ZFC3H1: variants seen among roughly 807,000 people sequenced by gnomAD.
ZFC3H1 encodes the protein zinc finger C3H1 domain-containing protein.
Under a neutral mutation model 243.7 loss-of-function variants are expected in ZFC3H1, and 71 were observed. The ratio of observed to expected loss-of-function variants is 0.29; its 90% CI spans 0.24 to 0.36. The LOEUF (loss-of-function observed/expected upper bound fraction) is 0.36, where lower values mean the gene tolerates loss of function less well. Ranked by LOEUF, ZFC3H1 falls within the 10% of genes least tolerant of loss-of-function variation. The pLI, the probability that ZFC3H1 is intolerant of heterozygous loss-of-function variation, is 1.00. For synonymous variants in ZFC3H1, 838 were observed against 813.0 expected (o/e 1.03, Z -0.52); for missense variants, 1,966 against 2,317.1 (o/e 0.85, Z 3.11).
At chr12:71,625,491 A>T (rs1284333998) in intron 22 of ZFC3H1, among the ~76,000 whole-genome samples, 2 of 152,192 alleles carry the variant, frequency 1.3e-5, no homozygotes, top group African/African-American at 4.8e-5. Context: ...CAAGAGTTCA[A>T]GACCAACCTG....
chr12:71,662,850 T>G (rs1314571778), intron 1 of ZFC3H1, 163 bp downstream of exon 1: 1 of 749,930 alleles, frequency 1.3e-6, no homozygotes, highest in Non-Finnish European at 2.2e-6. Flanking sequence ...AACGCTATAG[T>G]GTGACACATG....
intron 1 of ZFC3H1, chr12:71,660,316 T>C (rs1328350150): frequency 6.6e-6 from 1 of 152,162 alleles, no homozygotes; most frequent in Non-Finnish European, 1.5e-5. Context: ...GGGAACTACG[T>C]TTTCCTTCTC....
intron 7 of ZFC3H1, among the ~76,000 whole-genome samples, chr12:71,638,181 G>C (rs1280207270): frequency 6.6e-6 from 1 of 151,962 alleles, no homozygotes. Context: ...AGTGAAGAAG[G>C]AAACATGATA....
chr12:71,614,990 G>A (rs1369234669), intron 28 of ZFC3H1, 52 bp from the exon 29 acceptor site: 2 of 1,444,984 alleles, frequency 1.4e-6, no homozygotes, highest in African/African-American at 2.8e-5. Flanking sequence ...TCCATCAGGT[G>A]AAGGAATGAC....
At chr12:71,628,820 C>T (rs937962231) in intron 20 of ZFC3H1, 98 bp downstream of exon 20, 17 of 1,371,600 alleles carry the variant, frequency 1.2e-5, no homozygotes, top group Non-Finnish European at 1.6e-5. Flanking sequence ...TTTTTTTTAA[C>T]CAGGCAGGCT....
In ZFC3H1 at chr12:71,663,294, G is replaced by C. The variant is rs774902980; in HGVS notation, c.317C>G (p.Pro106Arg). 2.5e-6 allele frequency: 4 copies of C among 1,613,360 alleles called. No homozygotes were observed. Among genetic ancestry groups the C allele is most frequent in the Non-Finnish European group, 3.4e-6 (4 of 1,180,036 alleles). ...GHLRGPSSYR[P>R]KEPFRSHPPS... ...CGGATGAGACCGGAACGGTTCTTTG[G>C]GTCGGTAGCTGCTGGGTCCCCTGAG... The change falls in exon 1 of 35, where the codon CCC (proline) becomes CGC (arginine). Residue 106 changes from proline (P) to arginine (R), a missense_variant. By Grantham distance (103) the Pro-to-Arg change is moderately radical (BLOSUM62 -2). Coordinates refer to ENST00000378743, the MANE Select transcript of ZFC3H1 (RefSeq NM_144982.5).
At chr12:71,631,637 T>G in intron 16 of ZFC3H1, 141 bp downstream of exon 16, 1 of 693,324 alleles carries the variant, frequency 1.4e-6, no homozygotes, top group South Asian at 2.6e-5. Context: ...CACTTAATTT[T>G]TATGTTCCTT....
Position 71,640,858 on chromosome 12 carries a change from C to A in ZFC3H1, c.1627+1578G>T, listed in dbSNP as rs989884473. Among the ~76,000 whole-genome samples, 67 of 151,312 alleles carry A rather than the reference C, an allele frequency of 4.4e-4. 1 individual carries two copies. The highest frequency in any genetic ancestry group is 1.4e-3 in the Admixed American group (22 of 15,180). On this transcript the variant is annotated intron_variant, in intron 6 of 34. Coordinates refer to ENST00000378743, the MANE Select transcript of ZFC3H1 (RefSeq NM_144982.5). ...ACTAGTTTTTTACCGTATTTGAATT[C>A]TCTTGGTTTTTTTTTTCCCCCGCCC...
Position 71,636,518 on chromosome 12 carries a change from C to A in ZFC3H1, c.2072G>T (p.Gly691Val). 1 of 1,605,486 alleles carries A rather than the reference C, an allele frequency of 6.2e-7. No homozygotes were observed. Among genetic ancestry groups the A allele is most frequent in the Non-Finnish European group, 8.5e-7 (1 of 1,176,534 alleles). Residue 691 changes from glycine to valine, a missense_variant, in exon 9 of 35, where the codon GGA becomes GTA. By Grantham distance (109) the Gly-to-Val change is moderately radical. Transcript: ENST00000378743. Reference protein sequence around the residue: ...PRIQNPKFHRGPRLPRTVISL... With the variant: ...PRIQNPKFHRVPRLPRTVISL... ...GATCACAGTTCGTGGAAGACGGGGT[C>A]CTCTGTGAAACTTTGGATTCTGTAT...
At chr12:71,649,091 C>CAA (rs35231608) in intron 2 of ZFC3H1, among the ~76,000 whole-genome samples, 62 of 89,784 alleles carry the variant, frequency 6.9e-4, no homozygotes, top group African/African-American at 2.0e-3. Context: ...ACTCTTGTCT[C>CAA]AAAAAAAAAA....
chr12:71,652,292 T>C (rs1880909546), intron 2 of ZFC3H1, among the ~76,000 whole-genome samples: 1 of 152,192 alleles, frequency 6.6e-6, no homozygotes, highest in Non-Finnish European at 1.5e-5. Context: ...AAAACACACA[T>C]CTGATCACAT....
Position 71,610,031 on chromosome 12 carries a change from G to A in ZFC3H1, c.*397C>T, listed in dbSNP as rs1879729401. The A allele has an allele frequency of 6.5e-6, 1 of 154,528 alleles. No homozygotes were observed. Among genetic ancestry groups the A allele is most frequent in the African/African-American group, 2.4e-5 (1 of 41,410 alleles). The allele number at this position is 154,528 out of a possible 1,614,324, so 9.6% of individuals were successfully genotyped here. A position where few individuals can be genotyped will look rare whatever the true frequency, so the allele number is the denominator to read the frequency against. ...CTTTTTTTACTGTAAACACAGCCCT[G>A]GATATTAAATCCCAAACAGGAATCT... On this transcript the variant is annotated 3_prime_UTR_variant, in exon 35 of 35. Coordinates refer to ENST00000378743, the MANE Select transcript of ZFC3H1 (RefSeq NM_144982.5).
intron 20 of ZFC3H1, among the ~76,000 whole-genome samples, chr12:71,628,238 C>T (rs919782199): frequency 5.3e-5 from 8 of 152,278 alleles, no homozygotes; most frequent in South Asian, 2.1e-4. Flanking sequence ...GATTCAACTG[C>T]TTTTTCATTA....
At position 71,634,303 on chromosome 12, in the gene ZFC3H1, G is replaced by A. The variant is rs776513121; in HGVS notation, c.2362C>T (p.Arg788Cys). 40 of 1,611,254 alleles carry A rather than the reference G, an allele frequency of 2.5e-5. 1 individual carries two copies. Among genetic ancestry groups the A allele is most frequent in the African/African-American group, 6.7e-5 (5 of 74,682 alleles). The change falls in exon 12 of 35, where the codon CGT becomes TGT. Residue 788 changes from arginine (R) to cysteine (C), a missense_variant and splice_region_variant. By Grantham distance (180) the Arg-to-Cys change is radical (BLOSUM62 -3). Around this residue, in one of 4 missense-constraint regions of ZFC3H1, gnomAD observed 1,383 missense variants for 1,723.7 expected, o/e 0.80. Transcript: ENST00000378743. ...YRLLKEEIANREKQRLIKSDQ... is the reference protein window; with the variant it reads ...YRLLKEEIANCEKQRLIKSDQ... ...GATTTAATCAAACGCTGTTTCTCAC[G>A]GCTAAAATTATCAAAAAGGATATAT... is the stretch of plus-strand genomic sequence containing the variant.
intron 28 of ZFC3H1, 64 bp downstream of exon 28, chr12:71,615,141 TA>T: frequency 7.6e-7 from 1 of 1,321,318 alleles, no homozygotes; most frequent in Non-Finnish European, 1.1e-6. Flanking sequence ...AAACACAGTG[TA>T]ATTCAGTAAT....
At position 71,636,549 on chromosome 12, in the gene ZFC3H1, G is replaced by C. The variant is rs1410373825; in HGVS notation, c.2041C>G (p.Pro681Ala). The change falls in exon 9 of 35, where the codon CCT becomes GCT. Residue 681 changes from proline (P) to alanine (A), a missense_variant. Pro to Ala is a conservative substitution (Grantham distance 27). Transcript: ENST00000378743. ...TGAAACTTTGGATTCTGTATCCTAG[G>C]CTGAGACACTGTGTTAATACTGACT... ...SIVSINTVSQ[P>A]RIQNPKFHRG... 1 of 1,613,404 alleles carries C rather than the reference G, an allele frequency of 6.2e-7. No individual in the cohort carries two copies. Among genetic ancestry groups the C allele is most frequent in the East Asian group, 2.2e-5 (1 of 44,822 alleles).
intron 14 of ZFC3H1, 107 bp downstream of exon 14, chr12:71,632,779 T>G (rs1247487853): frequency 3.4e-6 from 5 of 1,469,976 alleles, no homozygotes; most frequent in Non-Finnish European, 4.6e-6. Flanking sequence ...AATCTTAATC[T>G]CTTGGAATTT....
Position 71,619,368 on chromosome 12 carries a change from A to G in ZFC3H1, c.5091T>C (p.Ile1697=). The G allele has an allele frequency of 6.2e-7, 1 of 1,613,836 alleles. No individual in the cohort carries two copies. The highest frequency in any genetic ancestry group is 8.5e-7 in the Non-Finnish European group (1 of 1,179,844). The change falls in exon 27 of 35, where the codon ATT becomes ATC. Residue 1697 remains isoleucine, a synonymous_variant. Transcript: ENST00000378743. ...DNLLPFLRKF[I]ASFFKPGFEK... is the part of the protein sequence containing the mutation. ...CAAACCCCGGTTTAAAGAAGGATGC[A>G]ATAAATTTCCGCAAAAATGGAAGAA...
At chr12:71,625,345 ATTTAT>A (rs1158499584) in intron 22 of ZFC3H1, among the ~76,000 whole-genome samples, 1 of 152,156 alleles carries the variant, frequency 6.6e-6, no homozygotes, top group Admixed American at 6.5e-5. Context: ...TCAGGTGAAT[ATTTAT>A]TTTATTTCTC....
Sources: allele counts gnomAD v4.1 joint callset (sites outside exome capture counted in the v4.1 genomes callset), GRCh38; gene constraint gnomAD v4.1.1; regional missense constraint gnomAD v4.1.1; transcripts MANE v1.5; gene names NCBI Gene and HGNC (gene_info 2026-07-23, HGNC 2026-07-21).